The following PRKDC variants were observed in gnomAD, a reference collection of about 807,000 sequenced individuals.
PRKDC encodes the protein DNA-dependent protein kinase catalytic subunit.
Under a neutral mutation model 486.9 loss-of-function variants are expected in PRKDC, and 82 were observed. The observed-to-expected ratio is 0.17, with a 90% CI of 0.14 to 0.20. PRKDC has a LOEUF of 0.20. PRKDC is among the 10% of genes least tolerant of loss of function. The pLI is 1.00. For synonymous variants in PRKDC, 1,895 were observed against 1,837.0 expected (o/e 1.03, Z -0.81); for missense variants, 4,504 against 5,038.2 (o/e 0.89, Z 3.21).
intron 7 of PRKDC, among the ~76,000 whole-genome samples, chr8:47,945,093 A>C (rs948095422): frequency 6.6e-6 from 1 of 152,234 alleles, no homozygotes; most frequent in Non-Finnish European, 1.5e-5. Flanking sequence ...GCAAGTGTGC[A>C]GACACAAGGA....
In PRKDC at chr8:47,929,934, A is replaced by G. The variant is rs766026632; in HGVS notation, c.1971T>C (p.Ser657=). The G allele has an allele frequency of 3.2e-5, 52 of 1,611,236 alleles. No homozygotes were observed. Among genetic ancestry groups the G allele is most frequent in the Non-Finnish European group, 4.2e-5 (50 of 1,178,968 alleles). ...YSFSYELILQ[S]TRLPLISGFY... ...AACCACTGATGAGGGGCAACCTTGT[A>G]GATTGCAAAATTAATTCATATGAAA... Residue 657 remains serine, a synonymous_variant, in exon 18 of 86, where the codon TCT becomes TCC. Coordinates refer to ENST00000314191, the MANE Select transcript of PRKDC (RefSeq NM_006904.7).
chr8:47,786,607 A>C (rs1315001127), intron 76 of PRKDC, among the ~76,000 whole-genome samples: 2 of 152,124 alleles, frequency 1.3e-5, no homozygotes. Flanking sequence ...ATAGAAATAA[A>C]TGGCTCATAA....
intron 47 of PRKDC, 76 bp from the exon 48 acceptor site, chr8:47,858,711 G>A (rs1589747611): frequency 9.7e-6 from 14 of 1,440,840 alleles, no homozygotes; most frequent in East Asian, 2.5e-5. Context: ...GGGAAAACAA[G>A]GACAAAGTAA....
chr8:47,915,897 C>G (rs1475152384), intron 22 of PRKDC, among the ~76,000 whole-genome samples: 1 of 152,192 alleles, frequency 6.6e-6, no homozygotes, highest in Admixed American at 6.5e-5. Flanking sequence ...AAAACTGAAC[C>G]AGCGTAGTTT....
chr8:47,955,342 G>A (rs1468913982), intron 4 of PRKDC, among the ~76,000 whole-genome samples: 11 of 143,568 alleles, frequency 7.7e-5, no homozygotes, highest in African/African-American at 2.8e-4. Flanking sequence ...GGCGCCTGTA[G>A]TCCCAGCTAC....
In PRKDC at chr8:47,800,872, G is replaced by A; in HGVS notation, c.10037C>T (p.Ala3346Val). The A allele has an allele frequency of 6.2e-7, 1 of 1,613,648 alleles. No homozygotes were observed. The highest frequency in any genetic ancestry group is 8.5e-7 in the Non-Finnish European group (1 of 1,179,768). The change falls in exon 71 of 86, where the codon GCC becomes GTC. Residue 3346 changes from alanine to valine, a missense_variant. Ala to Val is a moderately conservative substitution (Grantham distance 64). This residue lies in a region of PRKDC where 1,592 missense variants were observed against 1,724.6 expected (regional missense o/e 0.92). Coordinates refer to ENST00000314191, the MANE Select transcript of PRKDC (RefSeq NM_006904.7). ...IIANALSSEP[A>V]CLAEIEEDKA... Reference sequence around the variant, plus strand: ...GTCCTCCTCGATTTCAGCAAGGCAGGCTGGCTCACTGCTGAGAGCATTCGC... The same window carrying A: ...GTCCTCCTCGATTTCAGCAAGGCAGACTGGCTCACTGCTGAGAGCATTCGC...
rs1563774223 is a variant in PRKDC, at chr8:47,864,827, A to T, written c.5364-64T>A. The T allele has an allele frequency of 2.3e-6, 3 of 1,331,332 alleles. No homozygotes were observed. In the East Asian group the frequency reaches 7.6e-5, roughly 34 times the overall value. 82.5% of individuals were successfully genotyped at this position (1,331,332 alleles called of 1,614,324 possible). A position where few individuals can be genotyped will look rare whatever the true frequency, so the allele number is the denominator to read the frequency against. On this transcript the variant is annotated intron_variant, in intron 40 of 85. Transcript: ENST00000314191. ...TTGAAGAGGAACTTTATGAGTGCCT[A>T]CTACATAACAGGCAAAGTAAACACC... is the stretch of plus-strand genomic sequence containing the variant.
At chr8:47,912,326 T>C in intron 25 of PRKDC, 84 bp downstream of exon 25, 1 of 1,371,834 alleles carries the variant, frequency 7.3e-7, no homozygotes, top group Non-Finnish European at 9.6e-7. Flanking sequence ...CATCTCCAGG[T>C]AATTCCACTG....
rs780962122 is a variant in PRKDC at position 47,826,737 on chromosome 8, A to G, written c.8702T>C (p.Leu2901Pro). The G allele has an allele frequency of 6.2e-7, 1 of 1,613,116 alleles. No individual in the cohort carries two copies. The highest frequency in any genetic ancestry group is 8.5e-7 in the Non-Finnish European group (1 of 1,179,720). ...TCGCTTGGCAGGCAGCTCAGCAGGC[A>G]GCAGGCGGAGCAGAGCCTCCTCTAG... The part of the protein sequence containing the change: ...RLLEEALLRL[L>P]PAELPAKRVR... Residue 2901 changes from leucine to proline, a missense_variant, in exon 63 of 86, where the codon CTG becomes CCG. Around this residue, in one of 6 missense-constraint regions of PRKDC, gnomAD observed 1,592 missense variants for 1,724.6 expected, o/e 0.92. Coordinates refer to ENST00000314191, the MANE Select transcript of PRKDC (RefSeq NM_006904.7).
Position 47,837,204 on chromosome 8 carries a change from C to G in PRKDC, c.7761+8G>C. 1 of 1,607,036 alleles carries G rather than the reference C, an allele frequency of 6.2e-7. No homozygotes were observed. The highest frequency in any genetic ancestry group is 8.5e-7 in the Non-Finnish European group (1 of 1,174,410). On this transcript the variant is annotated splice_region_variant and intron_variant, in intron 57 of 85. Transcript: ENST00000314191. ...TATTCACTACTATGAGAGAGAAGAC[C>G]ACATTACCTGAAATTCGCATTCTGA...
intron 68 of PRKDC, among the ~76,000 whole-genome samples, 185 bp downstream of exon 68, chr8:47,817,265 C>G (rs1291908324): frequency 1.3e-5 from 2 of 152,054 alleles, no homozygotes; most frequent in South Asian, 4.1e-4. Flanking sequence ...ACAGGGCAAG[C>G]GGGAAAGAGG....
intron 1 of PRKDC, chr8:47,959,335 G>A (rs2090770329): frequency 6.6e-6 from 1 of 152,168 alleles, no homozygotes; most frequent in South Asian, 2.1e-4. Context: ...GCAAATAGAG[G>A]GGTTTGGAAA....
At chr8:47,945,321 C>G (rs538363138) in intron 7 of PRKDC, among the ~76,000 whole-genome samples, 1 of 152,320 alleles carries the variant, frequency 6.6e-6, no homozygotes, top group East Asian at 1.9e-4. Flanking sequence ...TAAACATATT[C>G]ACACTGTTGT....
chr8:47,887,843 T>A (rs2089370780), intron 34 of PRKDC, 138 bp from the exon 35 acceptor site: 2 of 977,170 alleles, frequency 2.0e-6, no homozygotes, highest in South Asian at 3.9e-5. Flanking sequence ...AAATTTTAAT[T>A]CAACTTTGCT....
chr8:47,888,059 G>C (rs575589659), intron 34 of PRKDC, among the ~76,000 whole-genome samples: 1 of 152,116 alleles, frequency 6.6e-6, no homozygotes, highest in African/African-American at 2.4e-5. Flanking sequence ...TTAATTGTTT[G>C]TAGAGATGAA....
At chr8:47,831,669 C>G (rs2087879465) in intron 60 of PRKDC, 145 bp downstream of exon 60, 2 of 781,722 alleles carry the variant, frequency 2.6e-6, no homozygotes, top group Non-Finnish European at 4.3e-6. Flanking sequence ...TGTGGGGGAG[C>G]CCCAGGAGGC....
chr8:47,830,613 C>T lies in PRKDC; in HGVS notation c.8389G>A (p.Val2797Met), dbSNP rs2087843496. The T allele has an allele frequency of 6.2e-7, 1 of 1,613,588 alleles. No individual in the cohort carries two copies. The highest frequency in any genetic ancestry group is 1.1e-5 in the South Asian group (1 of 91,056). ...CAGCGGCAAAAACTGACCTGGGCCA[C>T]GGCCTGTAACGGGGTGATGAGGCTG... is the stretch of plus-strand genomic sequence containing the variant. ...HSSLITPLQAVAQRDPIIAKQ... is the reference protein window; with the variant it reads ...HSSLITPLQAMAQRDPIIAKQ... Residue 2797 changes from valine (V) to methionine (M), a missense_variant, in exon 61 of 86, where the codon GTG becomes ATG. Transcript: ENST00000314191.
chr8:47,933,895 C>T, intron 15 of PRKDC, 70 bp downstream of exon 15: 2 of 1,426,740 alleles, frequency 1.4e-6, no homozygotes, highest in East Asian at 2.4e-5. Context: ...TGAAATAAGT[C>T]TTATGTCTAA....
chr8:47,837,395 G>A lies in PRKDC; in HGVS notation c.7578C>T (p.Ser2526=). 1 of 1,610,298 alleles carries A rather than the reference G, an allele frequency of 6.2e-7. No homozygotes were observed. The highest frequency in any genetic ancestry group is 8.5e-7 in the Non-Finnish European group (1 of 1,176,836). The change falls in exon 57 of 86, where the codon AGC becomes AGT. Residue 2526 remains serine, a synonymous_variant. Coordinates refer to ENST00000314191, the MANE Select transcript of PRKDC (RefSeq NM_006904.7). ...TATTTGAAGGTAACCTAGTTTCATGGCTCCAGAAATTTCGAATAATTAATC... is the reference window on the plus strand; with the variant it reads ...TATTTGAAGGTAACCTAGTTTCATGACTCCAGAAATTTCGAATAATTAATC... ...GLQLIIRNFW[S]HETRLPSNTL... is the part of the protein sequence containing the mutation.
Sources: gnomAD v4.1 joint callset for allele counts (sites outside exome capture counted in the v4.1 genomes callset) on GRCh38, gnomAD v4.1.1 for gene constraint, gnomAD v4.1.1 regional missense constraint, MANE v1.5 for transcripts, NCBI Gene and HGNC (gene_info 2026-07-23, HGNC 2026-07-21) for gene names.